The following MAGI2 variants were observed in gnomAD, a reference collection of about 807,000 sequenced individuals.
MAGI2 encodes the protein membrane associated guanylate kinase, WW and PDZ domain containing 2.
In MAGI2, 35 loss-of-function variants were observed where a neutral mutation model predicts 133.3. The ratio of observed to expected loss-of-function variants is 0.26; its 90% CI spans 0.20 to 0.35. The LOEUF is 0.35. Ranked by LOEUF, MAGI2 falls within the 10% of genes least tolerant of loss-of-function variation. The probability of loss-of-function intolerance (pLI) is 1.00; values close to 1 mark genes in which losing one functional copy is unlikely to be tolerated. For missense variants in MAGI2, 1,636 were observed against 1,863.4 expected, an observed-to-expected ratio of 0.88 and a Z score of 2.25; for synonymous variants, 729 against 710.6, an observed-to-expected ratio of 1.03 and a Z score of -0.41.
rs554010061 is a variant in MAGI2, at chr7:78,529,668, G to GTTTTTTTTTTTTTTT, written c.539-8038_539-8024dup. 1.4e-3 allele frequency among the ~76,000 whole-genome samples: 78 copies of GTTTTTTTTTTTTTTT among 57,422 alleles called. 17 individuals carry two copies. The highest frequency in any genetic ancestry group is 2.4e-3 in the African/African-American group (43 of 18,084). The allele number at this position is 57,422 out of a possible 152,430, so 37.7% of individuals were successfully genotyped here. A position where few individuals can be genotyped will look rare whatever the true frequency, so the allele number is the denominator to read the frequency against. ...TTTCTTTTCCTTGCTAAAGGAGATG[G>GTTTTTTTTTTTTTTT]TTTTTTTTTTTTTTTTTTTTTTTTT... On this transcript the variant is annotated intron_variant, in intron 3 of 21. Transcript: ENST00000354212.
In MAGI2 at chr7:79,372,924, T is replaced by TA. The variant is rs545352013; in HGVS notation, c.301+80095dup. ...TGCTTTGGGGGAGTTCAGAAATGCTTAAAAAATCAAATGCTTAAAACATCA... is the reference window on the plus strand; with the variant it reads ...TGCTTTGGGGGAGTTCAGAAATGCTTAAAAAAATCAAATGCTTAAAACATCA... On this transcript the variant is annotated intron_variant, in intron 1 of 21. Transcript: ENST00000354212. Among the ~76,000 whole-genome samples, 255 of 152,088 alleles carry TA rather than the reference T, an allele frequency of 1.7e-3. 3 individuals are homozygous for TA. Among genetic ancestry groups the TA allele is most frequent in the Non-Finnish European group, 5.9e-4 (40 of 67,944 alleles).
intron 2 of MAGI2, among the ~76,000 whole-genome samples, chr7:78,747,117 T>A (rs547298559): frequency 6.6e-6 from 1 of 152,274 alleles, no homozygotes; most frequent in Admixed American, 6.5e-5. Context: ...TATGCTTAAA[T>A]TGGGCAGTTT....
intron 20 of MAGI2, among the ~76,000 whole-genome samples, chr7:78,108,597 T>C (rs1469333248): frequency 6.6e-6 from 1 of 151,984 alleles, no homozygotes; most frequent in Non-Finnish European, 1.5e-5. Flanking sequence ...TGCTGTTATA[T>C]TGGGGTCGGT....
At chr7:78,477,858 CTGAGAATATT>C (rs1356091146) in intron 6 of MAGI2, among the ~76,000 whole-genome samples, 2 of 151,888 alleles carry the variant, frequency 1.3e-5, no homozygotes, top group Admixed American at 6.6e-5. Context: ...AGGGAAAACA[CTGAGAATATT>C]TGAGAATATT....
At chr7:78,312,979 C>T (rs1798844899) in intron 9 of MAGI2, among the ~76,000 whole-genome samples, 3 of 151,370 alleles carry the variant, frequency 2.0e-5, no homozygotes, top group Non-Finnish European at 2.9e-5. Context: ...CACACACACA[C>T]ACACATCGCA....
intron 1 of MAGI2, among the ~76,000 whole-genome samples, chr7:79,164,087 AC>A (rs1824690152): frequency 6.6e-6 from 1 of 152,114 alleles, no homozygotes; most frequent in South Asian, 2.1e-4. Context: ...CCTTCCTAGC[AC>A]CCTGAGACCT....
At chr7:78,292,675 T>C (rs909933755) in intron 9 of MAGI2, among the ~76,000 whole-genome samples, 24 of 152,200 alleles carry the variant, frequency 1.6e-4, no homozygotes, top group Non-Finnish European at 3.2e-4. Context: ...ACTACCTGAC[T>C]TCAAACTATT....
At chr7:78,323,406 T>C (rs1175426337) in intron 9 of MAGI2, among the ~76,000 whole-genome samples, 1 of 152,230 alleles carries the variant, frequency 6.6e-6, no homozygotes, top group Non-Finnish European at 1.5e-5. Flanking sequence ...CTATGTTGTC[T>C]TGAGAAGACA....
intron 2 of MAGI2, among the ~76,000 whole-genome samples, chr7:78,937,848 C>T (rs1800635841): frequency 6.6e-6 from 1 of 151,988 alleles, no homozygotes; most frequent in African/African-American, 2.4e-5. Flanking sequence ...GATTAACCTC[C>T]CAAGATTTTG....
At chr7:79,125,966 A>G (rs1024087976) in intron 1 of MAGI2, among the ~76,000 whole-genome samples, 3 of 152,284 alleles carry the variant, frequency 2.0e-5, no homozygotes, top group Admixed American at 2.0e-4. Flanking sequence ...GAAAACACTC[A>G]TATGCGTAGG....
intron 6 of MAGI2, among the ~76,000 whole-genome samples, chr7:78,470,811 T>C (rs1014443782): frequency 6.6e-6 from 1 of 152,170 alleles, no homozygotes; most frequent in Non-Finnish European, 1.5e-5. Flanking sequence ...GGGTCTGTTA[T>C]ATGGACATCA....
At chr7:78,589,811 G>A (rs1803807822) in intron 3 of MAGI2, among the ~76,000 whole-genome samples, 1 of 152,152 alleles carries the variant, frequency 6.6e-6, no homozygotes, top group South Asian at 2.1e-4. Context: ...TCTTCAATAT[G>A]GAAAGAGTAA....
chr7:78,583,325 C>T (rs1240468635), intron 3 of MAGI2: 9 of 162,070 alleles, frequency 5.6e-5, no homozygotes, highest in East Asian at 1.9e-4. Flanking sequence ...GGTGAAACAC[C>T]GTCTCTACTA....
At chr7:78,895,337 T>C (rs897877834) in intron 2 of MAGI2, among the ~76,000 whole-genome samples, 2 of 152,128 alleles carry the variant, frequency 1.3e-5, no homozygotes, top group Non-Finnish European at 2.9e-5. Context: ...GAAACAAATT[T>C]TTTTTCTTTA....
At chr7:78,586,372 A>G (rs1048742342) in intron 3 of MAGI2, among the ~76,000 whole-genome samples, 1 of 145,390 alleles carries the variant, frequency 6.9e-6, no homozygotes, top group Non-Finnish European at 1.5e-5. Context: ...AAACACCCCC[A>G]CCCATAACAT....
At chr7:78,207,899 A>G (rs867114342) in intron 10 of MAGI2, among the ~76,000 whole-genome samples, 2 of 152,214 alleles carry the variant, frequency 1.3e-5, no homozygotes, top group South Asian at 2.1e-4. Flanking sequence ...TTTTGTTAAG[A>G]TGGAGTCTCA....
chr7:79,206,195 C>T (rs1182300505), intron 1 of MAGI2, among the ~76,000 whole-genome samples: 3 of 146,746 alleles, frequency 2.0e-5, no homozygotes, highest in Non-Finnish European at 4.5e-5. Context: ...CACACCAAGC[C>T]AAAGTTAGTA....
At chr7:78,144,356 C>T (rs1378946109) in intron 16 of MAGI2, among the ~76,000 whole-genome samples, 1 of 152,150 alleles carries the variant, frequency 6.6e-6, no homozygotes, top group Non-Finnish European at 1.5e-5. Context: ...CTATTCACTT[C>T]TTATTCTGAT....
intron 3 of MAGI2, among the ~76,000 whole-genome samples, chr7:78,564,046 GA>G (rs1800677955): frequency 1.3e-5 from 2 of 152,086 alleles, no homozygotes; most frequent in East Asian, 3.9e-4. Context: ...TGATAAAAGG[GA>G]AACTGTAAAT....
Sources: gnomAD v4.1 joint callset for allele counts (sites outside exome capture counted in the v4.1 genomes callset) on GRCh38, gnomAD v4.1.1 for gene constraint, MANE v1.5 for transcripts, NCBI Gene and HGNC (gene_info 2026-07-23, HGNC 2026-07-21) for gene names.